The following SCLT1 variants were observed in gnomAD, a reference collection of about 807,000 sequenced individuals.
The protein encoded by SCLT1 is sodium channel-associated protein 1.
Under a neutral mutation model 112.8 loss-of-function variants are expected in SCLT1, and 78 were observed. The ratio of observed to expected loss-of-function variants is 0.69; its 90% CI spans 0.58 to 0.83. The LOEUF (loss-of-function observed/expected upper bound fraction) is 0.83, where lower values mean the gene tolerates loss of function less well. Ranked by LOEUF, SCLT1 falls within the 40% of genes least tolerant of loss-of-function variation. The pLI, the probability that SCLT1 is intolerant of heterozygous loss-of-function variation, is 0.00. For missense variants in SCLT1, 747 were observed against 770.4 expected, an observed-to-expected ratio of 0.97 and a Z score of 0.36; for synonymous variants, 257 against 254.7, an observed-to-expected ratio of 1.01 and a Z score of -0.09.
At chr4:129,054,575 CTTGTG>C (rs1232543070) in intron 2 of SCLT1, among the ~76,000 whole-genome samples, 2 of 151,944 alleles carry the variant, frequency 1.3e-5, no homozygotes, top group Non-Finnish European at 2.9e-5. Flanking sequence ...TTACAAAGTT[CTTGTG>C]TTGTGTTTTT....
intron 9 of SCLT1, among the ~76,000 whole-genome samples, chr4:128,984,892 T>C (rs955997589): frequency 6.6e-6 from 1 of 152,070 alleles, no homozygotes; most frequent in Non-Finnish European, 1.5e-5. Flanking sequence ...TAAAATGTGA[T>C]ATATCCTCAG....
chr4:128,988,839 C>T (rs991538703), intron 9 of SCLT1, among the ~76,000 whole-genome samples: 1 of 151,556 alleles, frequency 6.6e-6, no homozygotes, highest in African/African-American at 2.4e-5. Context: ...TATACTTACA[C>T]CAGATAAAAT....
At chr4:129,037,258 T>C (rs1351719627) in intron 5 of SCLT1, 2 of 152,194 alleles carry the variant, frequency 1.3e-5, no homozygotes, top group Non-Finnish European at 2.9e-5. Context: ...CCACTGGCAC[T>C]CATTATTTAT....
chr4:128,925,734 C>G (rs1165480505), intron 18 of SCLT1, among the ~76,000 whole-genome samples: 1 of 152,086 alleles, frequency 6.6e-6, no homozygotes, highest in Non-Finnish European at 1.5e-5. Context: ...GCTCTCTGTG[C>G]ATAATTTTTC....
At position 128,936,812 on chromosome 4, in the gene SCLT1, C is replaced by T. The variant is rs1246169596; in HGVS notation, c.1672G>A (p.Gly558Arg). ...ATCTCTCTCAATTGAACTTCAAATC[C>T]ACGTTCCTTTATTGAAAATTCATGT... The part of the protein sequence containing the change: ...MEHEFSIKER[G>R]FEVQLREMED... Residue 558 changes from glycine (G) to arginine (R), a missense_variant, in exon 18 of 21, where the codon GGA becomes AGA. Around this residue, in one of 2 missense-constraint regions of SCLT1, gnomAD observed 723 missense variants for 721.3 expected, o/e 1.00. Transcript: ENST00000281142. 5.6e-6 allele frequency: 9 copies of T among 1,595,914 alleles called. No homozygotes were observed. The highest frequency in any genetic ancestry group is 6.8e-6 in the Non-Finnish European group (8 of 1,168,902).
intron 2 of SCLT1, among the ~76,000 whole-genome samples, chr4:129,061,856 A>G (rs1335077174): frequency 6.6e-6 from 1 of 152,146 alleles, no homozygotes; most frequent in African/African-American, 2.4e-5. Context: ...TGCAATTTCA[A>G]TTCCACAGTG....
At chr4:128,936,899 G>T in intron 17 of SCLT1, 48 bp from the exon 18 acceptor site, 2 of 842,528 alleles carry the variant, frequency 2.4e-6, no homozygotes, top group Non-Finnish European at 1.8e-6. Context: ...TCTTATAGGT[G>T]CTATACAGAT....
intron 10 of SCLT1, among the ~76,000 whole-genome samples, chr4:128,967,738 C>T (rs1740333147): frequency 6.6e-6 from 1 of 151,916 alleles, no homozygotes; most frequent in African/African-American, 2.4e-5. Context: ...TTTATTGATG[C>T]TGGATATTAC....
intron 18 of SCLT1, among the ~76,000 whole-genome samples, chr4:128,897,200 C>T (rs976974972): frequency 6.6e-6 from 1 of 152,082 alleles, no homozygotes; most frequent in Non-Finnish European, 1.5e-5. Context: ...TCAAGAACAG[C>T]AACTCCAAGA....
intron 12 of SCLT1, among the ~76,000 whole-genome samples, chr4:128,959,344 G>T (rs560122882): frequency 6.6e-6 from 1 of 151,926 alleles, no homozygotes; most frequent in Non-Finnish European, 1.5e-5. Context: ...GACTACAGGG[G>T]ATGAAGATTA....
At chr4:129,078,258 G>GC (rs1751631338) in intron 2 of SCLT1, among the ~76,000 whole-genome samples, 1 of 152,198 alleles carries the variant, frequency 6.6e-6, no homozygotes, top group Non-Finnish European at 1.5e-5. Flanking sequence ...AATGCATAAT[G>GC]CAGGTGCATC....
At chr4:128,941,282 A>G (rs1442973086) in intron 17 of SCLT1, among the ~76,000 whole-genome samples, 1 of 152,264 alleles carries the variant, frequency 6.6e-6, no homozygotes, top group Non-Finnish European at 1.5e-5. Context: ...AGCAGTATCT[A>G]TCAAAGTTCT....
At chr4:129,058,930 G>A (rs1371052890) in intron 2 of SCLT1, among the ~76,000 whole-genome samples, 1 of 151,892 alleles carries the variant, frequency 6.6e-6, no homozygotes, top group East Asian at 1.9e-4. Flanking sequence ...CTCTGGTGTT[G>A]GGTGTATATA....
At chr4:129,070,222 T>C (rs919115885) in intron 2 of SCLT1, among the ~76,000 whole-genome samples, 1 of 152,178 alleles carries the variant, frequency 6.6e-6, no homozygotes, top group East Asian at 1.9e-4. Context: ...GTTTTCTTTT[T>C]TGGATATGTC....
rs184868741 is a variant in SCLT1 at position 129,006,433 on chromosome 4, G to T, written c.291-2557C>A. On this transcript the variant is annotated intron_variant, in intron 5 of 20. Transcript: ENST00000281142. ...TGTGCCTGTAGTCCCAGCTACTCAG[G>T]AGGCTGAGGCAGAAGAATTGCTTGA... 2.6e-4 allele frequency among the ~76,000 whole-genome samples: 39 copies of T among 151,618 alleles called. No homozygotes were observed. In the East Asian group the frequency reaches 5.6e-3, roughly 22 times the overall value.
chr4:129,026,445 T>G (rs1158398974), intron 5 of SCLT1, among the ~76,000 whole-genome samples: 1 of 152,008 alleles, frequency 6.6e-6, no homozygotes, highest in African/African-American at 2.4e-5. Flanking sequence ...TGCTCCTGAA[T>G]GACTACTGGG....
chr4:128,930,660 TTTATATCCAG>T (rs926102569), intron 18 of SCLT1, among the ~76,000 whole-genome samples: 26 of 152,292 alleles, frequency 1.7e-4, no homozygotes, highest in African/African-American at 6.3e-4. Context: ...GCTATAAGGT[TTTATATCCAG>T]GAGTTAGGGG....
Position 128,948,519 on chromosome 4 carries a change from CT to C in SCLT1, c.1269del (p.Ala424GlnfsTer6). On this transcript the variant is annotated frameshift_variant, in exon 15 of 21. Transcript: ENST00000281142. LOFTEE classifies it high-confidence loss of function. ...GQIERVIKEK[K>X]AVEEELEKIY... ...ACCTTTTCTAGTTCTTCTTCCACTG[CT>C]TTTTTTTCCTTAATGACTCGTTCAA... 4.4e-6 allele frequency: 7 copies of C among 1,605,814 alleles called. No individual in the cohort carries two copies. The highest frequency in any genetic ancestry group is 5.1e-6 in the Non-Finnish European group (6 of 1,174,560).
intron 18 of SCLT1, among the ~76,000 whole-genome samples, chr4:128,923,030 T>C (rs192790030): frequency 6.6e-6 from 1 of 152,306 alleles, no homozygotes; most frequent in East Asian, 1.9e-4. Flanking sequence ...GCAATATTTA[T>C]TTTGGTTTTA....
Sources: gnomAD v4.1 joint callset for allele counts (sites outside exome capture counted in the v4.1 genomes callset) on GRCh38, gnomAD v4.1.1 for gene constraint, gnomAD v4.1.1 regional missense constraint, MANE v1.5 for transcripts, NCBI Gene and HGNC (gene_info 2026-07-23, HGNC 2026-07-21) for gene names.